Variants in MTURN observed in about 807,000 individuals in gnomAD.
MTURN encodes the protein maturin.
In MTURN, 7 loss-of-function variants were observed where a neutral mutation model predicts 14.9. The ratio of observed to expected loss-of-function variants is 0.47; its 90% CI spans 0.27 to 0.88. The LOEUF (loss-of-function observed/expected upper bound fraction) is 0.88. Among genes scored for constraint, MTURN ranks in the 40% least tolerant of loss-of-function variants. The probability of loss-of-function intolerance (pLI) is 0.14; values close to 1 mark genes in which losing one functional copy is unlikely to be tolerated. For missense variants in MTURN, 151 were observed against 174.1 expected, an observed-to-expected ratio of 0.87 and a Z score of 0.75; for synonymous variants, 69 against 72.5, an observed-to-expected ratio of 0.95 and a Z score of 0.25.
intron 1 of MTURN, among the ~76,000 whole-genome samples, chr7:30,139,925 C>T (rs1234520291): frequency 1.3e-5 from 2 of 152,146 alleles, no homozygotes; most frequent in African/African-American, 4.8e-5. Context: ...AAGGGCATGG[C>T]CACCCTGCCT....
intron 2 of MTURN, among the ~76,000 whole-genome samples, chr7:30,147,725 C>G (rs1168429979): frequency 1.3e-5 from 2 of 152,168 alleles, no homozygotes; most frequent in Non-Finnish European, 2.9e-5. Flanking sequence ...GAGTTGGACC[C>G]AGTCACTTTG....
intron 2 of MTURN, among the ~76,000 whole-genome samples, chr7:30,151,546 T>G (rs1213492953): frequency 6.6e-6 from 1 of 152,252 alleles, no homozygotes; most frequent in East Asian, 1.9e-4. Context: ...AATAGCCTAC[T>G]ATTTCCAATT....
At chr7:30,144,218 A>G (rs573947128) in intron 1 of MTURN, among the ~76,000 whole-genome samples, 25 of 152,382 alleles carry the variant, frequency 1.6e-4, no homozygotes, top group Admixed American at 6.5e-5. Flanking sequence ...TAACTCTGTC[A>G]TCTTCACAAG....
chr7:30,156,773 C>T (rs1441845185), intron 2 of MTURN, among the ~76,000 whole-genome samples: 2 of 151,554 alleles, frequency 1.3e-5, no homozygotes, highest in Non-Finnish European at 2.9e-5. Flanking sequence ...TGCAGTTAGC[C>T]GAGATTGCGC....
chr7:30,161,546 G>A lies in MTURN; in HGVS notation c.*3998G>A, dbSNP rs1274179260. 6.6e-6 allele frequency: 1 copy of A among 152,262 alleles called. No individual in the cohort carries two copies. Among genetic ancestry groups the A allele is most frequent in the Non-Finnish European group, 1.5e-5 (1 of 68,094 alleles). The allele number at this position is 152,262 out of a possible 1,614,324, so 9.4% of individuals were successfully genotyped here. A position where few individuals can be genotyped will look rare whatever the true frequency, so the allele number is the denominator to read the frequency against. ...GCAGGCAGATCTGAGAGGGGCTCCA[G>A]GCACCCGGCAGGTAAATCACAAAGC... On this transcript the variant is annotated 3_prime_UTR_variant, in exon 3 of 3. Transcript: ENST00000324453.
intron 1 of MTURN, among the ~76,000 whole-genome samples, chr7:30,144,260 T>C (rs945556538): frequency 3.3e-5 from 5 of 152,272 alleles, no homozygotes; most frequent in African/African-American, 1.2e-4. Context: ...GTTTTTGAAA[T>C]GTGGTGGTAG....
chr7:30,140,531 G>T (rs73689411), intron 1 of MTURN, among the ~76,000 whole-genome samples: 1 of 152,048 alleles, frequency 6.6e-6, no homozygotes, highest in African/African-American at 2.4e-5. Context: ...TCCCGCTTAT[G>T]TGCTGGTATA....
intron 2 of MTURN, among the ~76,000 whole-genome samples, chr7:30,148,724 A>T (rs1025677130): frequency 1.5e-5 from 2 of 133,760 alleles, no homozygotes. Context: ...TTGCCCAAGC[A>T]GTGAAGGGAA....
At chr7:30,142,305 G>A (rs945811706) in intron 1 of MTURN, among the ~76,000 whole-genome samples, 1 of 152,210 alleles carries the variant, frequency 6.6e-6, no homozygotes, top group Non-Finnish European at 1.5e-5. Flanking sequence ...CTGTAGGAAA[G>A]AGTAGACCAC....
intron 1 of MTURN, among the ~76,000 whole-genome samples, chr7:30,136,022 GCACACGC>G (rs1796952419): frequency 0.077 from 6 of 78 alleles, no homozygotes; most frequent in East Asian, 0.25. Context: ...ACACTCACGC[GCACACGC>G]GGCACGCCTC....
intron 1 of MTURN, among the ~76,000 whole-genome samples, chr7:30,144,006 T>A (rs950469915): frequency 1.3e-5 from 2 of 152,270 alleles, no homozygotes; most frequent in African/African-American, 4.8e-5. Flanking sequence ...CCTCAGGCAG[T>A]GCTCTCAGTG....
At chr7:30,140,852 T>C (rs1226397305) in intron 1 of MTURN, 1 of 152,194 alleles carries the variant, frequency 6.6e-6, no homozygotes, top group Admixed American at 6.5e-5. Context: ...TGAGAGTCAG[T>C]CTACAGGTTG....
chr7:30,150,460 A>G (rs934203072), intron 2 of MTURN, among the ~76,000 whole-genome samples: 7 of 152,374 alleles, frequency 4.6e-5, no homozygotes, highest in South Asian at 2.1e-4. Flanking sequence ...CTAGGACTCC[A>G]TAGAGGACCA....
In MTURN at chr7:30,140,049, C is replaced by G. The variant is rs369143063; in HGVS notation, c.162+4751C>G. 7.4e-4 allele frequency among the ~76,000 whole-genome samples: 112 copies of G among 152,280 alleles called. 1 individual carries two copies. Among genetic ancestry groups the G allele is most frequent in the African/African-American group, 2.6e-3 (106 of 41,554 alleles). ...GCTTGGTAGGCTTGGAATGGGGTGT[C>G]AGCAGCCACTTGGATGCCAGATAAA... On this transcript the variant is annotated intron_variant, in intron 1 of 2. Transcript: ENST00000324453.
Position 30,135,085 on chromosome 7 carries a change from G to A in MTURN, c.-52G>A. 1 of 1,342,884 alleles carries A rather than the reference G, an allele frequency of 7.4e-7. No homozygotes were observed. Among genetic ancestry groups the A allele is most frequent in the East Asian group, 3.9e-5 (1 of 25,494 alleles). 83.2% of individuals were successfully genotyped at this position (1,342,884 alleles called of 1,614,324 possible). A position where few individuals can be genotyped will look rare whatever the true frequency, so the allele number is the denominator to read the frequency against. On this transcript the variant is annotated 5_prime_UTR_variant, in exon 1 of 3. Coordinates refer to ENST00000324453, the MANE Select transcript of MTURN (RefSeq NM_152793.3). ...GCCGCGCTGCCCGCCCGGGAGGAGG[G>A]CGCCTAGGAGCGGGAGGGCGGGCGG... is the stretch of plus-strand genomic sequence containing the variant.
At chr7:30,135,424 C>T (rs541853716) in intron 1 of MTURN, 126 bp downstream of exon 1, 138 of 789,280 alleles carry the variant, frequency 1.7e-4, no homozygotes, top group Admixed American at 5.3e-4. Context: ...ACCCGCGCCC[C>T]GCGCCCCGCG....
rs2110394 is a variant in MTURN at position 30,161,797 on chromosome 7, C to T, written c.*4249C>T. 0.24 allele frequency: 36,406 copies of T among 152,088 alleles called. 5,066 individuals carry two copies. The highest frequency in any genetic ancestry group is 0.51 in the East Asian group (2,643 of 5,168). 9.4% of individuals were successfully genotyped at this position (152,088 alleles called of 1,614,324 possible). ...AAATTTCTTTGAATTAAAAACTGAT[C>T]CTTTTTCATAAAGACCCAGTCACTT... On this transcript the variant is annotated 3_prime_UTR_variant, in exon 3 of 3. Transcript: ENST00000324453.
Position 30,157,714 on chromosome 7 carries a change from A to T in MTURN, c.*166A>T, listed in dbSNP as rs943811616. 17 of 420,930 alleles carry T rather than the reference A, an allele frequency of 4.0e-5. No homozygotes were observed. Among genetic ancestry groups the T allele is most frequent in the African/African-American group, 3.3e-4 (16 of 47,908 alleles). 26.1% of individuals were successfully genotyped at this position (420,930 alleles called of 1,614,324 possible). A position where few individuals can be genotyped will look rare whatever the true frequency, so the allele number is the denominator to read the frequency against. On this transcript the variant is annotated 3_prime_UTR_variant, in exon 3 of 3. Coordinates refer to ENST00000324453, the MANE Select transcript of MTURN (RefSeq NM_152793.3). Reference sequence around the variant, plus strand: ...TTTTAACGACCACAAAATATCTGTGATGAGCTTTGCTCAGAAGTGACCTGA... The same window carrying T: ...TTTTAACGACCACAAAATATCTGTGTTGAGCTTTGCTCAGAAGTGACCTGA...
chr7:30,146,432 G>C, intron 2 of MTURN, 133 bp downstream of exon 2: 1 of 1,303,828 alleles, frequency 7.7e-7, no homozygotes, highest in Non-Finnish European at 1.1e-6. Context: ...CTGTGGCTTA[G>C]AGATAGCAGC....
Sources: allele counts gnomAD v4.1 joint callset (sites outside exome capture counted in the v4.1 genomes callset), GRCh38; gene constraint gnomAD v4.1.1; transcripts MANE v1.5; gene names NCBI Gene and HGNC (gene_info 2026-07-23, HGNC 2026-07-21).